PREX1: variants seen among roughly 807,000 people sequenced by gnomAD.
The protein encoded by PREX1 is phosphatidylinositol-3,4,5-trisphosphate dependent Rac exchange factor 1.
In PREX1, 41 loss-of-function variants were observed where a neutral mutation model predicts 198.3. The observed-to-expected ratio is 0.21, with a 90% confidence interval of 0.16 to 0.27. PREX1 has a LOEUF of 0.27. Among genes scored for constraint, PREX1 ranks in the 10% least tolerant of loss-of-function variants. PREX1 has a pLI of 1.00. For missense variants in PREX1, 1,620 were observed against 2,200.7 expected, an observed-to-expected ratio of 0.74 and a Z score of 5.28; for synonymous variants, 843 against 887.2, an observed-to-expected ratio of 0.95 and a Z score of 0.89.
intron 32 of PREX1, 63 bp downstream of exon 32, chr20:48,636,400 C>T (rs2089363598): frequency 6.7e-7 from 1 of 1,499,410 alleles, no homozygotes; most frequent in Non-Finnish European, 8.9e-7. Flanking sequence ...GCTCCCTCGA[C>T]CCGGCCTGGG....
At chr20:48,807,676 G>A (rs1465312467) in intron 1 of PREX1, among the ~76,000 whole-genome samples, 1 of 152,072 alleles carries the variant, frequency 6.6e-6, no homozygotes, top group Non-Finnish European at 1.5e-5. Flanking sequence ...TTCCCCCAAG[G>A]CAGCAATCAT....
intron 20 of PREX1, 123 bp downstream of exon 20, chr20:48,653,238 C>T: frequency 7.0e-7 from 1 of 1,422,876 alleles, no homozygotes. Flanking sequence ...GTTGGGTCAG[C>T]AGCTCCACCC....
At chr20:48,813,908 T>C (rs965276785) in intron 1 of PREX1, among the ~76,000 whole-genome samples, 2 of 152,222 alleles carry the variant, frequency 1.3e-5, no homozygotes, top group African/African-American at 4.8e-5. Context: ...CTTTTGATAC[T>C]GACACCTCCA....
In PREX1 at chr20:48,629,494, C is replaced by T; in HGVS notation, c.4721G>A (p.Arg1574His). The T allele has an allele frequency of 1.9e-6, 3 of 1,614,020 alleles. No homozygotes were observed. Among genetic ancestry groups the T allele is most frequent in the Non-Finnish European group, 8.5e-7 (1 of 1,179,916 alleles). ...CATGACCATCTGGCAGGCCCCCAGG[C>T]GGTAGCAGAGCTCCGAGGAGATGGG... Reference protein sequence around the residue: ...LIPISSELCYRLGACQMVMCG... With the variant: ...LIPISSELCYHLGACQMVMCG... The change falls in exon 37 of 40, where the codon CGC becomes CAC. Residue 1574 changes from arginine (R) to histidine (H), a missense_variant. Around this residue, in one of 7 missense-constraint regions of PREX1, gnomAD observed 476 missense variants for 603.4 expected, o/e 0.79. Coordinates refer to ENST00000371941, the MANE Select transcript of PREX1 (RefSeq NM_020820.4).
At chr20:48,785,106 G>A (rs1018326337) in intron 1 of PREX1, among the ~76,000 whole-genome samples, 1 of 152,066 alleles carries the variant, frequency 6.6e-6, no homozygotes, top group African/African-American at 2.4e-5. Context: ...TAGAGATGGG[G>A]TTTCACCATG....
chr20:48,852,277 G>A, the PREX1 span, among the ~76,000 whole-genome samples: 32,512 of 151,872 alleles, frequency 0.21, 3,805 homozygotes, highest in African/African-American at 0.31. Flanking sequence ...GACTCAAGCA[G>A]TATATAAAAC....
rs962158368 is a variant in PREX1 at position 48,666,123 on chromosome 20, T to G, written c.1738+160A>C. 6.6e-6 allele frequency among the ~76,000 whole-genome samples: 1 copy of G among 152,112 alleles called. No homozygotes were observed. The highest frequency in any genetic ancestry group is 2.4e-5 in the African/African-American group (1 of 41,402). ...ACACCAGAAGCCATTTCTCGATCGG[T>G]TCAGAACGGGAAGGGGAGGGAGGTG... On this transcript the variant is annotated intron_variant, in intron 15 of 39. Coordinates refer to ENST00000371941, the MANE Select transcript of PREX1 (RefSeq NM_020820.4). This position sits in a 1 kb window ranked among gnomAD's most constrained non-coding sequence, Gnocchi z 4.3.
the PREX1 span, among the ~76,000 whole-genome samples, chr20:48,870,786 A>G: frequency 6.1e-4 from 89 of 145,822 alleles, 2 homozygotes; most frequent in South Asian, 0.014. Context: ...TGTCTCTACT[A>G]TGAAAAATAC....
At chr20:48,776,020 G>A (rs1179708349) in intron 1 of PREX1, among the ~76,000 whole-genome samples, 1 of 152,074 alleles carries the variant, frequency 6.6e-6, no homozygotes, top group Admixed American at 6.5e-5. Context: ...GAGGAAGGAG[G>A]GCTCTCACAT....
chr20:48,807,943 A>G (rs2090419139), intron 1 of PREX1, among the ~76,000 whole-genome samples: 1 of 151,792 alleles, frequency 6.6e-6, no homozygotes, highest in South Asian at 2.1e-4. Flanking sequence ...CAAGATGGGG[A>G]CACCTTCCTC....
At chr20:48,730,340 G>A (rs6095262) in intron 4 of PREX1, among the ~76,000 whole-genome samples, 1 of 151,812 alleles carries the variant, frequency 6.6e-6, no homozygotes, top group East Asian at 1.9e-4. Context: ...CATTCTCTAA[G>A]GCAAAGCCAC....
the PREX1 span, among the ~76,000 whole-genome samples, chr20:48,885,085 T>C: frequency 3.3e-5 from 5 of 152,216 alleles, no homozygotes; most frequent in Admixed American, 6.5e-5. Flanking sequence ...TGGGGATAAA[T>C]ATAGTAGTAC....
At chr20:48,866,953 C>T in the PREX1 span, among the ~76,000 whole-genome samples, 8 of 152,104 alleles carry the variant, frequency 5.3e-5, no homozygotes, top group Non-Finnish European at 1.2e-4. Context: ...GCTTGCTCTT[C>T]CTCCATAAGA....
the PREX1 span, among the ~76,000 whole-genome samples, chr20:48,839,845 G>A: frequency 1.2e-4 from 18 of 152,166 alleles, no homozygotes; most frequent in Admixed American, 7.2e-4. Context: ...TGGAAGCCGC[G>A]GTTGAAGGTG....
chr20:48,638,353 C>T (rs1601033120), intron 30 of PREX1, among the ~76,000 whole-genome samples: 2 of 152,146 alleles, frequency 1.3e-5, no homozygotes, highest in Admixed American at 6.5e-5. Flanking sequence ...ATAAGACACA[C>T]ACTCCTAACA....
chr20:48,850,972 G>C, the PREX1 span, among the ~76,000 whole-genome samples: 10 of 152,172 alleles, frequency 6.6e-5, no homozygotes, highest in African/African-American at 2.2e-4. Flanking sequence ...TGGCTGGGAT[G>C]GGGGGAATCA....
At chr20:48,712,365 GC>G (rs1450910206) in intron 5 of PREX1, among the ~76,000 whole-genome samples, 1 of 152,108 alleles carries the variant, frequency 6.6e-6, no homozygotes, top group African/African-American at 2.4e-5. Flanking sequence ...CCAGCCTGAG[GC>G]CCTGGGCCTC....
At chr20:48,805,481 C>T (rs2090407794) in intron 1 of PREX1, among the ~76,000 whole-genome samples, 1 of 152,218 alleles carries the variant, frequency 6.6e-6, no homozygotes, top group Non-Finnish European at 1.5e-5. Flanking sequence ...CTGCGGCTGC[C>T]AAAGACCTGA....
At chr20:48,706,698 C>T in intron 6 of PREX1, among the ~76,000 whole-genome samples, 1 of 152,182 alleles carries the variant, frequency 6.6e-6, no homozygotes, top group East Asian at 1.9e-4. Flanking sequence ...CATCACAAGG[C>T]TGAGATGAGA....
Sources: allele counts gnomAD v4.1 joint callset (sites outside exome capture counted in the v4.1 genomes callset), GRCh38; gene constraint gnomAD v4.1.1; regional missense constraint gnomAD v4.1.1; non-coding constraint Gnocchi (gnomAD v3.1); transcripts MANE v1.5; gene names NCBI Gene and HGNC (gene_info 2026-07-23, HGNC 2026-07-21).